BRINP3: variants seen among roughly 807,000 people sequenced by gnomAD.
The protein encoded by BRINP3 is BMP/retinoic acid inducible neural specific 3, also known as BMP/retinoic acid-inducible neural-specific protein 3.
Under a neutral mutation model 71.0 loss-of-function variants are expected in BRINP3, and 19 were observed. The observed-to-expected ratio is 0.27, with a 90% CI of 0.19 to 0.39. The LOEUF (loss-of-function observed/expected upper bound fraction) is 0.39, where lower values mean the gene tolerates loss of function less well. Among genes scored for constraint, BRINP3 ranks in the 10% least tolerant of loss-of-function variants. The probability of loss-of-function intolerance (pLI) is 1.00; values close to 1 mark genes in which losing one functional copy is unlikely to be tolerated. For missense variants in BRINP3, 959 were observed against 940.8 expected (o/e 1.02, Z -0.25); for synonymous variants, 380 against 337.7 (o/e 1.13, Z -1.37).
At chr1:190,136,331 AT>A (rs888351256) in intron 7 of BRINP3, among the ~76,000 whole-genome samples, 17 of 152,086 alleles carry the variant, frequency 1.1e-4, no homozygotes, top group African/African-American at 4.1e-4. Flanking sequence ...TAACACATTG[AT>A]TGGGTTGATT....
chr1:190,184,958 A>T (rs1252386214), intron 6 of BRINP3, among the ~76,000 whole-genome samples: 1 of 152,112 alleles, frequency 6.6e-6, no homozygotes, highest in Non-Finnish European at 1.5e-5. Context: ...ATAAACATAA[A>T]CTCAAAGTGG....
At chr1:190,136,767 A>C (rs1471764764) in intron 7 of BRINP3, among the ~76,000 whole-genome samples, 2 of 152,116 alleles carry the variant, frequency 1.3e-5, no homozygotes, top group Non-Finnish European at 2.9e-5. Flanking sequence ...AGACTTTTCC[A>C]AAATACTAAT....
At chr1:190,132,191 T>A (rs1459302580) in intron 7 of BRINP3, among the ~76,000 whole-genome samples, 2 of 152,076 alleles carry the variant, frequency 1.3e-5, no homozygotes, top group African/African-American at 4.8e-5. Flanking sequence ...CATATCATAC[T>A]CTTCTGCCTA....
At chr1:190,365,861 A>G (rs1669467565) in intron 2 of BRINP3, among the ~76,000 whole-genome samples, 1 of 146,752 alleles carries the variant, frequency 6.8e-6, no homozygotes. Flanking sequence ...TAATGTATAT[A>G]TCCTGTCAAA....
At chr1:190,118,797 A>C (rs1653368114) in intron 7 of BRINP3, among the ~76,000 whole-genome samples, 1 of 152,240 alleles carries the variant, frequency 6.6e-6, no homozygotes, top group African/African-American at 2.4e-5. Flanking sequence ...GAAAGTGGTA[A>C]GCGGTACTGA....
intron 4 of BRINP3, among the ~76,000 whole-genome samples, chr1:190,249,842 T>C (rs1010868090): frequency 6.6e-6 from 1 of 151,938 alleles, no homozygotes; most frequent in African/African-American, 2.4e-5. Flanking sequence ...ACAGTATTAT[T>C]AAATTTCTTA....
At chr1:190,320,204 C>T (rs1238119231) in intron 2 of BRINP3, among the ~76,000 whole-genome samples, 1 of 151,984 alleles carries the variant, frequency 6.6e-6, no homozygotes, top group African/African-American at 2.4e-5. Flanking sequence ...CAAATAAATA[C>T]CCAAAACACT....
In BRINP3 at chr1:190,369,736, T is replaced by C. The variant is rs886447485; in HGVS notation, c.236+84919A>G. On this transcript the variant is annotated intron_variant, in intron 2 of 7. Coordinates refer to ENST00000367462, the MANE Select transcript of BRINP3 (RefSeq NM_199051.3). The stretch of plus-strand genomic sequence containing the variant: ...GACTAGCTTGCTAGGAAAATTTAAG[T>C]CCAGGACAAGTTTTATAACGACTAT... Among the ~76,000 whole-genome samples, 9 of 152,148 alleles carry C rather than the reference T, an allele frequency of 5.9e-5. No individual in the cohort carries two copies. In the East Asian group the frequency reaches 1.7e-3, roughly 29 times the overall value.
At chr1:190,165,698 A>C (rs1651471497) in intron 6 of BRINP3, among the ~76,000 whole-genome samples, 1 of 152,020 alleles carries the variant, frequency 6.6e-6, no homozygotes, top group South Asian at 2.1e-4. Flanking sequence ...CAAAAAAAAA[A>C]AAAATTCTAG....
chr1:190,288,602 A>T lies in BRINP3; in HGVS notation c.237-6852T>A, dbSNP rs141727630. On this transcript the variant is annotated intron_variant, in intron 2 of 7. Coordinates refer to ENST00000367462, the MANE Select transcript of BRINP3 (RefSeq NM_199051.3). ...TATGATCATGGGTGTAATAAAACTGATACAGGAGACATTTTGAAGTAAAAT... is the reference window on the plus strand; with the variant it reads ...TATGATCATGGGTGTAATAAAACTGTTACAGGAGACATTTTGAAGTAAAAT... Among the ~76,000 whole-genome samples the T allele has an allele frequency of 1.4e-4, 22 of 152,092 alleles. 1 individual carries two copies. The East Asian group carries it at 4.1e-3, about 28-fold the overall frequency.
chr1:190,345,349 ATAGTT>A (rs1571812716), intron 2 of BRINP3, among the ~76,000 whole-genome samples: 2 of 151,780 alleles, frequency 1.3e-5, no homozygotes, highest in East Asian at 3.9e-4. Flanking sequence ...AATTGAAGCA[ATAGTT>A]TAGAGCTCAG....
Position 190,454,707 on chromosome 1 carries a change from C to T in BRINP3, c.184G>A (p.Asp62Asn). Residue 62 changes from aspartate to asparagine, a missense_variant, in exon 2 of 8, where the codon GAT becomes AAT. Coordinates refer to ENST00000367462, the MANE Select transcript of BRINP3 (RefSeq NM_199051.3). ...GPFHRSQEYTDFVDRSRQGFS... is the reference protein window; with the variant it reads ...GPFHRSQEYTNFVDRSRQGFS... ...CCCTGCCGGCTTCTGTCCACAAAAT[C>T]TGTGTATTCCTGTGAGCGATGGAAG... The T allele has an allele frequency of 1.2e-6, 2 of 1,614,144 alleles. No homozygotes were observed. Among genetic ancestry groups the T allele is most frequent in the Non-Finnish European group, 1.7e-6 (2 of 1,180,022 alleles).
chr1:190,168,594 G>A (rs1651757005), intron 6 of BRINP3, among the ~76,000 whole-genome samples: 1 of 152,108 alleles, frequency 6.6e-6, no homozygotes, highest in Non-Finnish European at 1.5e-5. Context: ...AGCTATTATG[G>A]AGTAAGATCA....
At chr1:190,379,755 T>G (rs936446869) in intron 2 of BRINP3, among the ~76,000 whole-genome samples, 33 of 151,952 alleles carry the variant, frequency 2.2e-4, no homozygotes, top group African/African-American at 8.0e-4. Flanking sequence ...ATCCCAGCAC[T>G]TTGGGAGACC....
chr1:190,359,485 G>T lies in BRINP3; in HGVS notation c.237-77735C>A, dbSNP rs1475506798. ...CAGTGAAAACTTTGAGCCTCGCAGG[G>T]TACGATGGCATGCACCTGTAGTCTC... On this transcript the variant is annotated intron_variant, in intron 2 of 7. Transcript: ENST00000367462. Among the ~76,000 whole-genome samples, 3 of 152,036 alleles carry T rather than the reference G, an allele frequency of 2.0e-5. No homozygotes were observed. In the South Asian group the frequency reaches 6.2e-4, roughly 31 times the overall value.
At chr1:190,448,595 A>C (rs1675395081) in intron 2 of BRINP3, among the ~76,000 whole-genome samples, 1 of 151,480 alleles carries the variant, frequency 6.6e-6, no homozygotes, top group East Asian at 1.9e-4. Flanking sequence ...TTTACTATTC[A>C]TTGTATAGTG....
At chr1:190,189,646 ACTT>A (rs1380113111) in intron 6 of BRINP3, among the ~76,000 whole-genome samples, 1 of 150,106 alleles carries the variant, frequency 6.7e-6, no homozygotes, top group African/African-American at 2.5e-5. Flanking sequence ...CATTCTACTC[ACTT>A]TTTTTAATTT....
intron 7 of BRINP3, among the ~76,000 whole-genome samples, chr1:190,104,544 C>G (rs1158494802): frequency 1.3e-5 from 2 of 151,840 alleles, no homozygotes; most frequent in East Asian, 1.9e-4. Flanking sequence ...TTCTCTTCAA[C>G]AATTCATGCA....
At chr1:190,246,932 A>G (rs12135499) in intron 4 of BRINP3, among the ~76,000 whole-genome samples, 63,733 of 151,722 alleles carry the variant, frequency 0.42, 13,901 homozygotes, top group Non-Finnish European at 0.49. Context: ...CAGGAATCTC[A>G]CACATCTAAA....
Sources: allele counts gnomAD v4.1 joint callset (sites outside exome capture counted in the v4.1 genomes callset), GRCh38; gene constraint gnomAD v4.1.1; transcripts MANE v1.5; gene names NCBI Gene and HGNC (gene_info 2026-07-23, HGNC 2026-07-21).